The following GGT1 variants were observed in gnomAD, a reference collection of about 807,000 sequenced individuals.
The protein encoded by GGT1 is glutathione hydrolase 1 proenzyme.
A neutral mutation model predicts 56.0 loss-of-function variants in GGT1; 21 were observed. The ratio of observed to expected loss-of-function variants is 0.38; its 90% CI spans 0.27 to 0.54. The LOEUF is 0.54. Among genes scored for constraint, GGT1 ranks in the 20% least tolerant of loss-of-function variants. GGT1 has a pLI of 0.82. For synonymous variants in GGT1, 238 were observed against 342.6 expected, an observed-to-expected ratio of 0.69 and a Z score of 3.37; for missense variants, 466 against 787.0, an observed-to-expected ratio of 0.59 and a Z score of 4.88.
intron 1 of GGT1, among the ~76,000 whole-genome samples, chr22:24,604,923 G>A (rs1332421777): frequency 1.4e-5 from 2 of 144,558 alleles, no homozygotes; most frequent in South Asian, 2.1e-4. Flanking sequence ...ACTTTCCCCA[G>A]CCCAGGGTTT....
rs547282861 is a variant in GGT1, at chr22:24,612,770, G to A, written c.164+1525G>A. ...TCAAACTCCTGACCTCAGGTGATCC[G>A]CCTGCCTTGGCCTCCCAAAGTGCTG... On this transcript the variant is annotated intron_variant, in intron 5 of 15. Transcript: ENST00000400382. 2.0e-4 allele frequency among the ~76,000 whole-genome samples: 31 copies of A among 151,908 alleles called. 1 individual carries two copies. The highest frequency in any genetic ancestry group is 3.4e-4 in the Non-Finnish European group (23 of 67,928).
rs756259105 is a variant in GGT1 at position 24,615,138 on chromosome 22, C to T, written c.382+11C>T. The T allele has an allele frequency of 1.7e-5, 28 of 1,601,938 alleles. No individual in the cohort carries two copies. Among genetic ancestry groups the T allele is most frequent in the South Asian group, 5.5e-5 (5 of 90,732 alleles). On this transcript the variant is annotated intron_variant, in intron 7 of 15. Coordinates refer to ENST00000400382, the MANE Select transcript of GGT1 (RefSeq NM_001288833.2). The stretch of plus-strand genomic sequence containing the variant: ...AGCAGTCCCAGAAGGGTAAGCCATG[C>T]GGCAGACTTGGGGCGTGGGTGCAGA...
Position 24,620,673 on chromosome 22 carries a change from G to T in GGT1, c.575+153G>T. The T allele has an allele frequency of 6.8e-7, 1 of 1,461,646 alleles. No homozygotes were observed. Among genetic ancestry groups the T allele is most frequent in the Middle Eastern group, 2.6e-4 (1 of 3,920 alleles). The allele number at this position is 1,461,646 out of a possible 1,614,324, so 90.5% of individuals were successfully genotyped here. ...ACAGACCCTTCCCACCACGTGTGGG[G>T]ACACATTCTGAGCGTGGGGTCCCAG... On this transcript the variant is annotated intron_variant, in intron 8 of 15. Coordinates refer to ENST00000400382, the MANE Select transcript of GGT1 (RefSeq NM_001288833.2). The surrounding 1 kb of genome is among the most constrained non-coding windows in gnomAD (Gnocchi z 5.6).
Position 24,614,888 on chromosome 22 carries a change from A to T in GGT1, c.277A>T (p.Ile93Phe), listed in dbSNP as rs186765281. ...MGIGGGLFLT[I>F]YNSTTRKAEV... ...CATCGGGGGTGGCCTCTTCCTCACC[A>T]TCTACAACAGCACCACACGTGAGTG... is the stretch of plus-strand genomic sequence containing the variant. The change falls in exon 6 of 16, where the codon ATC becomes TTC. Residue 93 changes from isoleucine to phenylalanine, a missense_variant. Coordinates refer to ENST00000400382, the MANE Select transcript of GGT1 (RefSeq NM_001288833.2). 1 of 1,613,262 alleles carries T rather than the reference A, an allele frequency of 6.2e-7. No homozygotes were observed. The highest frequency in any genetic ancestry group is 1.7e-5 in the Admixed American group (1 of 59,986).
chr22:24,589,768 G>A, the GGT1 span: 2 of 1,545,240 alleles, frequency 1.3e-6, no homozygotes, highest in South Asian at 1.2e-5. Context: ...GGCTCTGTTG[G>A]CCCCCCTGTC....
chr22:24,627,485 C>T lies in GGT1; in HGVS notation c.1074C>T (p.Ile358=), dbSNP rs572075457. The change falls in exon 12 of 16, where the codon ATC becomes ATT. Residue 358 remains isoleucine (I), a synonymous_variant. Transcript: ENST00000400382. ...EFFAAQLRAQ[I]SDDTTHPISY... is the part of the protein sequence containing the mutation. ...TCGCTGCCCAGCTCCGGGCCCAGAT[C>T]TCTGACGACACCACTCACCCGATCT... 6.2e-7 allele frequency: 1 copy of T among 1,610,988 alleles called. No homozygotes were observed. Among genetic ancestry groups the T allele is most frequent in the East Asian group, 2.2e-5 (1 of 44,788 alleles).
chr22:24,622,798 G>A (rs1365392452), intron 9 of GGT1, among the ~76,000 whole-genome samples: 1 of 152,138 alleles, frequency 6.6e-6, no homozygotes, highest in Non-Finnish European at 1.5e-5. Context: ...AAGGCAGACA[G>A]GAAGCCAGTA....
chr22:24,606,076 A>G lies in GGT1; in HGVS notation c.-428-1878A>G, dbSNP rs1262002950. Among the ~76,000 whole-genome samples the G allele has an allele frequency of 5.9e-5, 6 of 102,358 alleles. 2 individuals are homozygous for G. The highest frequency in any genetic ancestry group is 2.5e-4 in the South Asian group (1 of 4,062). 67.2% of individuals were successfully genotyped at this position (102,358 alleles called of 152,430 possible). A position where few individuals can be genotyped will look rare whatever the true frequency, so the allele number is the denominator to read the frequency against. On this transcript the variant is annotated intron_variant, in intron 1 of 15. Coordinates refer to ENST00000400382, the MANE Select transcript of GGT1 (RefSeq NM_001288833.2). ...ATTATATTTATATAATTTATATAAT[A>G]TATCATATATTATATTTATATAATT...
At chr22:24,613,690 C>T (rs2046859686) in intron 5 of GGT1, among the ~76,000 whole-genome samples, 2 of 149,868 alleles carry the variant, frequency 1.3e-5, no homozygotes, top group African/African-American at 2.5e-5. Flanking sequence ...GCAGAGGTTG[C>T]AGTGAGCTAA....
rs1375277113 is a variant in GGT1, at chr22:24,623,313, C to T, written c.883+57C>T. The T allele has an allele frequency of 4.2e-6, 6 of 1,430,006 alleles. No individual in the cohort carries two copies. In the African/African-American group the frequency reaches 8.8e-5, roughly 21 times the overall value. 88.6% of individuals were successfully genotyped at this position (1,430,006 alleles called of 1,614,324 possible). A position where few individuals can be genotyped will look rare whatever the true frequency, so the allele number is the denominator to read the frequency against. On this transcript the variant is annotated intron_variant, in intron 10 of 15. Coordinates refer to ENST00000400382, the MANE Select transcript of GGT1 (RefSeq NM_001288833.2). ...ACCCATGACACTGCCTCTCTCTCCCCACGCCCCACCCCTCCTGCATCTCTG... is the reference window on the plus strand; with the variant it reads ...ACCCATGACACTGCCTCTCTCTCCCTACGCCCCACCCCTCCTGCATCTCTG...
Position 24,609,482 on chromosome 22 carries a change from G to T in GGT1, c.-358-483G>T, listed in dbSNP as rs12169166. The T allele has an allele frequency of 6.8e-3, 1,068 of 158,046 alleles. 17 individuals carry two copies. Among genetic ancestry groups the T allele is most frequent in the African/African-American group, 0.025 (1,021 of 41,588 alleles). The allele number at this position is 158,046 out of a possible 1,614,324, so 9.8% of individuals were successfully genotyped here. On this transcript the variant is annotated intron_variant, in intron 2 of 15. Transcript: ENST00000400382. ...CCCCAGGCCCACCAAGCCTGGGGAG[G>T]TGGCCACCCTTCCATGATGGCATTT...
intron 7 of GGT1, among the ~76,000 whole-genome samples, chr22:24,619,437 G>T (rs1444845006): frequency 6.6e-6 from 1 of 151,674 alleles, no homozygotes; most frequent in African/African-American, 2.4e-5. Context: ...TGTGTAGTGG[G>T]GTATGTCTGT....
rs905467698 is a variant in GGT1 at position 24,628,831 on chromosome 22, G to A, written c.1702G>A (p.Gly568Ser). 2.4e-5 allele frequency: 38 copies of A among 1,598,552 alleles called. No individual in the cohort carries two copies. The highest frequency in any genetic ancestry group is 5.4e-5 in the African/African-American group (4 of 74,760). The part of the protein sequence containing the change: ...SDSRKGGEPA[G>S]Y ...CTCCAGGAAAGGCGGGGAGCCTGCC[G>A]GCTACTGAGTGCTCCAGGAGGACAA... The change falls in exon 16 of 16, where the codon GGC becomes AGC. Residue 568 changes from glycine to serine, a missense_variant. Gly to Ser is a moderately conservative substitution (Grantham distance 56). This residue lies in a region of GGT1 where 10 missense variants were observed against 70.3 expected (regional missense o/e 0.14). Coordinates refer to ENST00000400382, the MANE Select transcript of GGT1 (RefSeq NM_001288833.2). This position sits in a 1 kb window ranked among gnomAD's most constrained non-coding sequence, Gnocchi z 5.7.
At chr22:24,613,276 A>G (rs1254441119) in intron 5 of GGT1, among the ~76,000 whole-genome samples, 5 of 151,896 alleles carry the variant, frequency 3.3e-5, no homozygotes, top group African/African-American at 1.2e-4. Flanking sequence ...GTCTCACTCT[A>G]TTGCCCAGGC....
At chr22:24,592,961 G>A (rs1385485314), upstream of GGT1, 7 of 1,191,518 alleles carry the variant, frequency 5.9e-6, no homozygotes, top group South Asian at 7.9e-5. Context: ...CGCTCGTAGG[G>A]CGCGGGCCCG....
intron 5 of GGT1, among the ~76,000 whole-genome samples, chr22:24,612,664 T>C (rs1286633477): frequency 1.3e-5 from 2 of 151,920 alleles, no homozygotes; most frequent in Admixed American, 6.6e-5. Flanking sequence ...GTAGCTGATA[T>C]TACAGGCATC....
upstream of GGT1, chr22:24,599,289 A>T (rs1569043846): frequency 6.6e-6 from 1 of 151,610 alleles, no homozygotes; most frequent in African/African-American, 2.4e-5. Flanking sequence ...CTCCATGATA[A>T]TGGAGTCAGT....
rs973821769 is a variant in GGT1, at chr22:24,608,035, A to C, written c.-359+12A>C. ...TCCCCAGGCCTCAGGTAAGCCCATCAGGGTCCCAAGGAAGGGGGTCTGGGT... is the reference window on the plus strand; with the variant it reads ...TCCCCAGGCCTCAGGTAAGCCCATCCGGGTCCCAAGGAAGGGGGTCTGGGT... On this transcript the variant is annotated intron_variant, in intron 2 of 15. Coordinates refer to ENST00000400382, the MANE Select transcript of GGT1 (RefSeq NM_001288833.2). 19 of 467,762 alleles carry C rather than the reference A, an allele frequency of 4.1e-5. No individual in the cohort carries two copies. The highest frequency in any genetic ancestry group is 8.0e-5 in the Non-Finnish European group (18 of 226,410). 29.0% of individuals were successfully genotyped at this position (467,762 alleles called of 1,614,324 possible). A position where few individuals can be genotyped will look rare whatever the true frequency, so the allele number is the denominator to read the frequency against.
At chr22:24,623,964 G>C (rs765106387) in intron 11 of GGT1, 48 bp downstream of exon 11, 22 of 1,608,638 alleles carry the variant, frequency 1.4e-5, no homozygotes, top group Non-Finnish European at 1.7e-5. Flanking sequence ...CTGCCATAGA[G>C]GCATCAGGTG....
Sources: gnomAD v4.1 joint callset for allele counts (sites outside exome capture counted in the v4.1 genomes callset) on GRCh38, gnomAD v4.1.1 for gene constraint, gnomAD v4.1.1 regional missense constraint, Gnocchi (gnomAD v3.1) non-coding constraint, MANE v1.5 for transcripts, NCBI Gene and HGNC (gene_info 2026-07-23, HGNC 2026-07-21) for gene names.